RSU1: variants seen among roughly 807,000 people sequenced by gnomAD.
RSU1 encodes the protein Ras suppressor protein 1, also known as rsu-1.
RSU1 carries 26 observed loss-of-function variants against 31.1 expected under a neutral mutation model. The ratio of observed to expected loss-of-function variants is 0.84; its 90% CI spans 0.61 to 1.16. The LOEUF is 1.16. Among genes scored for constraint, RSU1 ranks in the 50% most tolerant of loss-of-function variants. RSU1 has a pLI of 0.00. For missense variants in RSU1, 320 were observed against 339.1 expected (o/e 0.94, Z 0.44); for synonymous variants, 164 against 136.3 (o/e 1.20, Z -1.41).
intron 8 of RSU1, among the ~76,000 whole-genome samples, chr10:16,638,479 C>A (rs531881339): frequency 6.6e-6 from 1 of 152,152 alleles, no homozygotes; most frequent in African/African-American, 2.4e-5. Context: ...TAAACTAGCA[C>A]GGCATCTGCT....
chr10:16,807,238 C>A (rs1838292400), intron 2 of RSU1, among the ~76,000 whole-genome samples: 1 of 152,176 alleles, frequency 6.6e-6, no homozygotes, highest in Non-Finnish European at 1.5e-5. Flanking sequence ...CTGATGTGTG[C>A]CTTTCATTTG....
At chr10:16,787,627 G>A (rs1837821237) in intron 2 of RSU1, among the ~76,000 whole-genome samples, 1 of 152,178 alleles carries the variant, frequency 6.6e-6, no homozygotes, top group African/African-American at 2.4e-5. Context: ...TACTGTTCGT[G>A]TGACAGTAAA....
chr10:16,635,518 C>G (rs1282186491), intron 8 of RSU1, among the ~76,000 whole-genome samples: 6 of 152,210 alleles, frequency 3.9e-5, no homozygotes, highest in Non-Finnish European at 2.9e-5. Flanking sequence ...CTGCCTTTTC[C>G]CCTGTCGCTG....
chr10:16,707,167 C>T (rs576131067), intron 7 of RSU1, among the ~76,000 whole-genome samples: 64 of 152,182 alleles, frequency 4.2e-4, no homozygotes, highest in African/African-American at 1.5e-3. Flanking sequence ...AGGTTGATTA[C>T]GTATCTTAGT....
rs191593374 is a variant in RSU1, at chr10:16,613,805, A to C, written c.732-20309T>G. On this transcript the variant is annotated intron_variant, in intron 8 of 8. Coordinates refer to ENST00000345264, the MANE Select transcript of RSU1 (RefSeq NM_012425.4). Reference sequence around the variant, plus strand: ...AAAATGTCTACAGCTCTTTAAAAAAAAAAAAAACAAAAAAAACAAACCTTT... The same window carrying C: ...AAAATGTCTACAGCTCTTTAAAAAACAAAAAAACAAAAAAAACAAACCTTT... 1.6e-4 allele frequency among the ~76,000 whole-genome samples: 25 copies of C among 152,108 alleles called. 1 individual carries two copies. In the East Asian group the frequency reaches 4.4e-3, roughly 27 times the overall value.
At chr10:16,734,924 C>T (rs928082176) in intron 7 of RSU1, among the ~76,000 whole-genome samples, 1 of 152,146 alleles carries the variant, frequency 6.6e-6, no homozygotes, top group African/African-American at 2.4e-5. Context: ...AAGCTGAACA[C>T]AGACAGGTAC....
At chr10:16,710,437 T>A (rs1041284929) in intron 7 of RSU1, among the ~76,000 whole-genome samples, 2 of 152,222 alleles carry the variant, frequency 1.3e-5, no homozygotes, top group Non-Finnish European at 2.9e-5. Context: ...TGCATCTATG[T>A]TCACATTACA....
chr10:16,708,295 A>T (rs1465825424), intron 7 of RSU1, among the ~76,000 whole-genome samples: 1 of 152,198 alleles, frequency 6.6e-6, no homozygotes, highest in Non-Finnish European at 1.5e-5. Flanking sequence ...AGAAAAACAT[A>T]AGGAAGAGTA....
intron 7 of RSU1, among the ~76,000 whole-genome samples, chr10:16,710,474 T>C (rs1835995619): frequency 1.3e-5 from 2 of 152,154 alleles, no homozygotes; most frequent in South Asian, 4.1e-4. Context: ...TTTGCTGTTG[T>C]TGTTGTATCG....
intron 8 of RSU1, among the ~76,000 whole-genome samples, chr10:16,633,110 C>G (rs1412370573): frequency 6.6e-6 from 1 of 152,082 alleles, no homozygotes; most frequent in East Asian, 1.9e-4. Context: ...GGGTCTTTAT[C>G]AGCACCCCCG....
intron 7 of RSU1, among the ~76,000 whole-genome samples, chr10:16,707,511 T>C (rs1207569493): frequency 6.6e-6 from 1 of 152,136 alleles, no homozygotes; most frequent in African/African-American, 2.4e-5. Context: ...ATGTTGGCCA[T>C]CTGTATGTCT....
chr10:16,605,717 T>C (rs1460383219), intron 8 of RSU1, among the ~76,000 whole-genome samples: 1 of 152,154 alleles, frequency 6.6e-6, no homozygotes, highest in East Asian at 1.9e-4. Context: ...AGTGTTCCCG[T>C]CTTTGGGGGC....
intron 2 of RSU1, among the ~76,000 whole-genome samples, chr10:16,798,502 G>T (rs1838085792): frequency 6.6e-6 from 1 of 151,992 alleles, no homozygotes; most frequent in African/African-American, 2.4e-5. Context: ...TTTATAAGGG[G>T]CTCTTCCCCC....
At chr10:16,619,382 C>T (rs750081974) in intron 8 of RSU1, among the ~76,000 whole-genome samples, 1 of 152,176 alleles carries the variant, frequency 6.6e-6, no homozygotes, top group Non-Finnish European at 1.5e-5. Context: ...TCAATGTCCC[C>T]TCTGTGATGT....
At chr10:16,808,832 C>T (rs1156633766) in intron 2 of RSU1, among the ~76,000 whole-genome samples, 2 of 152,190 alleles carry the variant, frequency 1.3e-5, no homozygotes, top group African/African-American at 2.4e-5. Flanking sequence ...AAGGTGGACC[C>T]TATCCCAATC....
chr10:16,698,516 G>A (rs1835726036), intron 7 of RSU1, among the ~76,000 whole-genome samples: 1 of 152,094 alleles, frequency 6.6e-6, no homozygotes. Flanking sequence ...AAAGTTCTAT[G>A]CTCCCTGACT....
intron 8 of RSU1, among the ~76,000 whole-genome samples, chr10:16,665,580 T>G (rs7073216): frequency 0.094 from 14,320 of 152,306 alleles, 1,294 homozygotes; most frequent in African/African-American, 0.23. Flanking sequence ...CAGATTTTTA[T>G]GTAAGAGAAA....
intron 7 of RSU1, among the ~76,000 whole-genome samples, chr10:16,739,522 G>A (rs1333502570): frequency 1.4e-5 from 2 of 140,908 alleles, no homozygotes; most frequent in Non-Finnish European, 3.0e-5. Context: ...CCAGGCTGGA[G>A]TGCAGTGGCG....
At chr10:16,749,263 T>C in intron 7 of RSU1, among the ~76,000 whole-genome samples, 1 of 152,168 alleles carries the variant, frequency 6.6e-6, no homozygotes, top group South Asian at 2.1e-4. Flanking sequence ...CACAATCACG[T>C]ATTAAACCTC....
Sources: allele counts gnomAD v4.1 joint callset (sites outside exome capture counted in the v4.1 genomes callset), GRCh38; gene constraint gnomAD v4.1.1; transcripts MANE v1.5; gene names NCBI Gene and HGNC (gene_info 2026-07-23, HGNC 2026-07-21).